The following SS18L2 variants were observed in gnomAD, a reference collection of about 807,000 sequenced individuals.
SS18L2 encodes the protein SS18-like protein 2.
A neutral mutation model predicts 10.3 loss-of-function variants in SS18L2; 8 were observed. That is an observed-to-expected ratio of 0.78 (90% CI 0.46 to 1.41). SS18L2 has a LOEUF of 1.41. SS18L2 is among the 40% of genes most tolerant of loss of function. The pLI, the probability that SS18L2 is intolerant of heterozygous loss-of-function variation, is 0.00. For synonymous variants in SS18L2, 41 were observed against 34.6 expected (o/e 1.19, Z -0.65); for missense variants, 100 against 96.2 (o/e 1.04, Z -0.17).
rs542503758 is a variant in SS18L2, at chr3:42,583,854, C to T, written c.-90+1896C>T. Among the ~76,000 whole-genome samples the T allele has an allele frequency of 2.1e-4, 32 of 152,262 alleles. 1 individual carries two copies. Among genetic ancestry groups the T allele is most frequent in the Admixed American group, 6.5e-4 (10 of 15,294 alleles). On this transcript the variant is annotated intron_variant, in intron 1 of 3. Coordinates refer to the SS18L2 transcript ENST00000447630. ...CTCTAGGAGATTAGGTAGTAGAGTCCGTCCATTTATTCATTTAGCAAGTAT... is the reference window on the plus strand; with the variant it reads ...CTCTAGGAGATTAGGTAGTAGAGTCTGTCCATTTATTCATTTAGCAAGTAT...
chr3:42,590,842 C>A, upstream of SS18L2: 1 of 1,558,132 alleles, frequency 6.4e-7, no homozygotes, highest in African/African-American at 1.4e-5. Context: ...AGAGCGTAGG[C>A]CCCACCTATC....
In SS18L2 at chr3:42,595,122, T is replaced by C. The variant is rs1385839700; in HGVS notation, c.*613T>C. 1 of 152,210 alleles carries C rather than the reference T, an allele frequency of 6.6e-6. No individual in the cohort carries two copies. Among genetic ancestry groups the C allele is most frequent in the Non-Finnish European group, 1.5e-5 (1 of 68,030 alleles). The allele number at this position is 152,210 out of a possible 1,614,324, so 9.4% of individuals were successfully genotyped here. The stretch of plus-strand genomic sequence containing the variant: ...TTATCATTGCCAACAAAATGAATAG[T>C]GATTTCTAATTATTATCTAATATCA... On this transcript the variant is annotated 3_prime_UTR_variant, in exon 3 of 3. Transcript: ENST00000011691.
upstream of SS18L2, among the ~76,000 whole-genome samples, chr3:42,588,261 G>A (rs997928537): frequency 2.6e-5 from 4 of 151,542 alleles, no homozygotes; most frequent in African/African-American, 9.7e-5. Flanking sequence ...AAAATTAGCT[G>A]GGCATGGTGG....
rs768706056 is a variant in SS18L2 at position 42,590,977 on chromosome 3, A to T, written c.69+11A>T. ...GAGACTATCCAGCGGGTGAGCATCC[A>T]CGCGGGCGGGCGGGCGGGCGGAGAG... On this transcript the variant is annotated intron_variant, in intron 1 of 2. Transcript: ENST00000011691. The T allele has an allele frequency of 5.3e-5, 20 of 374,376 alleles. No individual in the cohort carries two copies. Among genetic ancestry groups the T allele is most frequent in the Admixed American group, 3.6e-4 (14 of 38,698 alleles). 23.2% of individuals were successfully genotyped at this position (374,376 alleles called of 1,614,324 possible).
chr3:42,585,825 A>T (rs1343279666), intron 1 of SS18L2, among the ~76,000 whole-genome samples: 1 of 152,168 alleles, frequency 6.6e-6, no homozygotes, highest in East Asian at 1.9e-4. Context: ...GTCAACTTCA[A>T]CTAGGTCCTC....
upstream of SS18L2, among the ~76,000 whole-genome samples, chr3:42,589,233 C>T (rs931242848): frequency 6.6e-6 from 1 of 151,794 alleles, no homozygotes; most frequent in Non-Finnish European, 1.5e-5. Flanking sequence ...CACACCACTG[C>T]ACTCCAGCCT....
Position 42,591,597 on chromosome 3 carries a change from G to T in SS18L2, c.142G>T (p.Val48Leu). 1 of 1,611,156 alleles carries T rather than the reference G, an allele frequency of 6.2e-7. No homozygotes were observed. Among genetic ancestry groups the T allele is most frequent in the Non-Finnish European group, 8.5e-7 (1 of 1,177,328 alleles). ...GAACAAGGGCCGCGGGAACGAGTGC[G>T]TGCAGTAAGTACCCCCACCCCCGCG... ...YQNKGRGNEC[V>L]QYQHVLHRNL... Residue 48 changes from valine (V) to leucine (L), a missense_variant, in exon 2 of 3, where the codon GTG becomes TTG. Coordinates refer to ENST00000011691, the MANE Select transcript of SS18L2 (RefSeq NM_001370300.1).
Position 42,596,875 on chromosome 3 carries a change from C to A in SS18L2, c.*2366C>A, listed in dbSNP as rs1189794100. 6.6e-6 allele frequency among the ~76,000 whole-genome samples: 1 copy of A among 152,146 alleles called. No homozygotes were observed. Among genetic ancestry groups the A allele is most frequent in the Non-Finnish European group, 1.5e-5 (1 of 68,026 alleles). ...TGGAATGTCAAGATAAGAATGAATT[C>A]TAGGTTTAAAGTTGTTTAAGTATAT... On this transcript the variant is annotated 3_prime_UTR_variant, in exon 3 of 3. Coordinates refer to ENST00000011691, the MANE Select transcript of SS18L2 (RefSeq NM_001370300.1).
intron 1 of SS18L2, among the ~76,000 whole-genome samples, chr3:42,585,686 A>G (rs1704587286): frequency 6.6e-6 from 1 of 152,234 alleles, no homozygotes; most frequent in African/African-American, 2.4e-5. Flanking sequence ...CTAGAAGGAT[A>G]GTAACACCCA....
chr3:42,582,574 G>T (rs550078702), intron 1 of SS18L2, among the ~76,000 whole-genome samples: 1 of 152,250 alleles, frequency 6.6e-6, no homozygotes, highest in Admixed American at 6.5e-5. Context: ...TGTGCCAGGG[G>T]TTGTGGACAA....
chr3:42,583,470 C>T lies in SS18L2; in HGVS notation c.-90+1512C>T, dbSNP rs138853812. ...TGCAGGGATTCACAGATATGGAGAA[C>T]ACTGGAAGAGGAGATAAGATTGATC... is the stretch of plus-strand genomic sequence containing the variant. On this transcript the variant is annotated intron_variant, in intron 1 of 3. Transcript: ENST00000447630. Among the ~76,000 whole-genome samples, 305 of 152,286 alleles carry T rather than the reference C, an allele frequency of 2.0e-3. 1 individual carries two copies. The highest frequency in any genetic ancestry group is 7.0e-3 in the African/African-American group (290 of 41,546).
At position 42,595,139 on chromosome 3, in the gene SS18L2, C is replaced by G. The variant is rs1439981691; in HGVS notation, c.*630C>G. 6.6e-6 allele frequency: 1 copy of G among 152,138 alleles called. No homozygotes were observed. The highest frequency in any genetic ancestry group is 1.5e-5 in the Non-Finnish European group (1 of 68,026). 9.4% of individuals were successfully genotyped at this position (152,138 alleles called of 1,614,324 possible). A position where few individuals can be genotyped will look rare whatever the true frequency, so the allele number is the denominator to read the frequency against. ...ATGAATAGTGATTTCTAATTATTAT[C>G]TAATATCATCTGATAATAGATGATG... is the stretch of plus-strand genomic sequence containing the variant. On this transcript the variant is annotated 3_prime_UTR_variant, in exon 3 of 3. Coordinates refer to ENST00000011691, the MANE Select transcript of SS18L2 (RefSeq NM_001370300.1).
intron 1 of SS18L2, among the ~76,000 whole-genome samples, chr3:42,585,560 A>G (rs1012637426): frequency 6.6e-6 from 1 of 152,186 alleles, no homozygotes; most frequent in Non-Finnish European, 1.5e-5. Flanking sequence ...TTTTATTTAT[A>G]AGCTCCATCG....
chr3:42,584,736 C>T (rs984472923), intron 1 of SS18L2, among the ~76,000 whole-genome samples: 2 of 152,196 alleles, frequency 1.3e-5, no homozygotes, highest in Non-Finnish European at 2.9e-5. Flanking sequence ...CAATGAGTCT[C>T]TGATAATGAG....
At chr3:42,584,785 G>C (rs559269309) in intron 1 of SS18L2, among the ~76,000 whole-genome samples, 1 of 152,286 alleles carries the variant, frequency 6.6e-6, no homozygotes, top group African/African-American at 2.4e-5. Flanking sequence ...GAAAAACCAG[G>C]AGATTCAGGG....
At chr3:42,590,846 A>G, upstream of SS18L2, 1 of 1,587,384 alleles carries the variant, frequency 6.3e-7, no homozygotes, top group South Asian at 1.1e-5. Context: ...CGTAGGCCCC[A>G]CCTATCGTGG....
At position 42,585,151 on chromosome 3, in the gene SS18L2, AAAAC is replaced by A. The variant is rs541141009; in HGVS notation, c.-90+3205_-90+3208del. On this transcript the variant is annotated intron_variant, in intron 1 of 3. Coordinates refer to the SS18L2 transcript ENST00000447630. ...TCTCAAAAAACAAACAAAACAAAACAAAACAAACAAACAAATATGGGGAATTGGG... is the reference window on the plus strand; with the variant it reads ...TCTCAAAAAACAAACAAAACAAAACAAAACAAACAAATATGGGGAATTGGG... Among the ~76,000 whole-genome samples, 130 of 152,228 alleles carry A rather than the reference AAAAC, an allele frequency of 8.5e-4. 1 individual carries two copies. The East Asian group carries it at 0.012, about 14-fold the overall frequency.
chr3:42,590,010 T>A (rs1704763128), upstream of SS18L2, among the ~76,000 whole-genome samples: 1 of 152,232 alleles, frequency 6.6e-6, no homozygotes, highest in African/African-American at 2.4e-5. Context: ...ATTCAGAGAC[T>A]GGCTTTGCTA....
rs775727411 is a variant in SS18L2, at chr3:42,594,390, C to G, written c.147-32C>G. 9.6e-6 allele frequency: 15 copies of G among 1,562,284 alleles called. No individual in the cohort carries two copies. The East Asian group carries it at 1.4e-4, about 14-fold the overall frequency. ...TTTGTTCATGGTCGGTAAAAACAAG[C>G]CTCTGATTTTTGCCTGTTTTTTTGC... is the stretch of plus-strand genomic sequence containing the variant. On this transcript the variant is annotated intron_variant, in intron 2 of 2. Transcript: ENST00000011691.
Sources: gnomAD v4.1 joint callset for allele counts (sites outside exome capture counted in the v4.1 genomes callset) on GRCh38, gnomAD v4.1.1 for gene constraint, MANE v1.5 for transcripts, NCBI Gene and HGNC (gene_info 2026-07-23, HGNC 2026-07-21) for gene names.